DENND1B: variants seen among roughly 807,000 people sequenced by gnomAD.
The protein encoded by DENND1B is DENN domain containing 1B.
Under a neutral mutation model 90.1 loss-of-function variants are expected in DENND1B, and 59 were observed. The observed-to-expected ratio is 0.65, with a 90% CI of 0.53 to 0.81. The LOEUF (loss-of-function observed/expected upper bound fraction) is 0.81. Among genes scored for constraint, DENND1B ranks in the 40% least tolerant of loss-of-function variants. The probability of loss-of-function intolerance (pLI) is 0.00; values close to 1 mark genes in which losing one functional copy is unlikely to be tolerated. For missense variants in DENND1B, 862 were observed against 912.6 expected (o/e 0.94, Z 0.71); for synonymous variants, 337 against 324.6 (o/e 1.04, Z -0.41).
intron 14 of DENND1B, among the ~76,000 whole-genome samples, chr1:197,589,112 T>C (rs1470156850): frequency 6.6e-6 from 1 of 152,136 alleles, no homozygotes; most frequent in Non-Finnish European, 1.5e-5. Context: ...ATTAATAGAT[T>C]GTGCATTAAC....
intron 3 of DENND1B, among the ~76,000 whole-genome samples, chr1:197,701,123 C>T (rs527470274): frequency 1.1e-4 from 16 of 152,242 alleles, no homozygotes; most frequent in South Asian, 2.1e-4. Flanking sequence ...TAAAGACACA[C>T]GTACACATTT....
At chr1:197,540,515 AATAC>A (rs1481265803) in intron 19 of DENND1B, among the ~76,000 whole-genome samples, 4 of 152,146 alleles carry the variant, frequency 2.6e-5, no homozygotes, top group Admixed American at 2.6e-4. Context: ...TCATAACTTA[AATAC>A]ATACATAATA....
chr1:197,740,208 G>A (rs555255191), intron 2 of DENND1B, among the ~76,000 whole-genome samples: 1 of 152,274 alleles, frequency 6.6e-6, no homozygotes, highest in East Asian at 1.9e-4. Context: ...TGTATTAGAA[G>A]TAAACAAAAA....
chr1:197,595,384 C>A, intron 13 of DENND1B, 51 bp from the exon 14 acceptor site: 1 of 1,594,042 alleles, frequency 6.3e-7, no homozygotes, highest in Non-Finnish European at 8.5e-7. Flanking sequence ...ATTGGTACAG[C>A]GAGGTAGGAA....
chr1:197,567,393 A>T (rs902498511), intron 15 of DENND1B, among the ~76,000 whole-genome samples: 2 of 152,040 alleles, frequency 1.3e-5, no homozygotes, highest in African/African-American at 4.8e-5. Flanking sequence ...AGACCTGATG[A>T]CTCCACTGCT....
intron 10 of DENND1B, among the ~76,000 whole-genome samples, chr1:197,642,198 TA>T (rs1391304756): frequency 6.6e-6 from 1 of 152,088 alleles, no homozygotes; most frequent in African/African-American, 2.4e-5. Flanking sequence ...CTGTGATTTA[TA>T]AAAAATGCTA....
At chr1:197,595,472 C>T (rs1416689458) in intron 13 of DENND1B, 139 bp from the exon 14 acceptor site, 1 of 1,049,452 alleles carries the variant, frequency 9.5e-7, no homozygotes, top group East Asian at 2.5e-5. Context: ...ATCTTTTTAA[C>T]TGCAGAGAGC....
chr1:197,698,350 GT>G (rs974023038), intron 3 of DENND1B, among the ~76,000 whole-genome samples: 1 of 152,016 alleles, frequency 6.6e-6, no homozygotes, highest in Non-Finnish European at 1.5e-5. Flanking sequence ...AAATCAAGAA[GT>G]TCTTTGAAAC....
At chr1:197,719,796 T>C (rs1359944621) in intron 2 of DENND1B, among the ~76,000 whole-genome samples, 2 of 152,184 alleles carry the variant, frequency 1.3e-5, no homozygotes, top group African/African-American at 4.8e-5. Context: ...AAGGAAGTCA[T>C]ATTTTCTGAA....
At chr1:197,527,889 C>T (rs904379429) in intron 20 of DENND1B, among the ~76,000 whole-genome samples, 1 of 152,062 alleles carries the variant, frequency 6.6e-6, no homozygotes, top group Non-Finnish European at 1.5e-5. Flanking sequence ...CCATTTCTTT[C>T]CTGACCAGTA....
chr1:197,746,129 T>A (rs1395802588), intron 2 of DENND1B, among the ~76,000 whole-genome samples: 1 of 152,210 alleles, frequency 6.6e-6, no homozygotes, highest in Non-Finnish European at 1.5e-5. Context: ...TGTTTGCTCA[T>A]GCCTGTAATC....
chr1:197,628,029 T>C (rs1321176402), intron 10 of DENND1B, among the ~76,000 whole-genome samples: 2 of 151,948 alleles, frequency 1.3e-5, no homozygotes, highest in Admixed American at 6.6e-5. Flanking sequence ...TAAAAGAGGA[T>C]ACAAACAAAT....
chr1:197,753,729 G>A (rs1248037977), intron 2 of DENND1B, among the ~76,000 whole-genome samples: 4 of 152,088 alleles, frequency 2.6e-5, no homozygotes, highest in Non-Finnish European at 4.4e-5. Flanking sequence ...GGCCACGCGC[G>A]GTGGCTCACG....
At chr1:197,631,167 T>C (rs960912360) in intron 10 of DENND1B, among the ~76,000 whole-genome samples, 1 of 152,170 alleles carries the variant, frequency 6.6e-6, no homozygotes, top group African/African-American at 2.4e-5. Context: ...TCTGTCTATA[T>C]TTTTTCTTCA....
rs192205916 is a variant in DENND1B at position 197,704,345 on chromosome 1, A to G, written c.126+10686T>C. Among the ~76,000 whole-genome samples, 16 of 152,244 alleles carry G rather than the reference A, an allele frequency of 1.1e-4. 1 individual carries two copies. The East Asian group carries it at 3.1e-3, about 29-fold the overall frequency. On this transcript the variant is annotated intron_variant, in intron 3 of 22. Coordinates refer to ENST00000620048, the MANE Select transcript of DENND1B (RefSeq NM_001195215.2). The stretch of plus-strand genomic sequence containing the variant: ...TTTTCCATTCCTAATGTAACTGACT[A>G]TTTCAGATCCTTCTTACTTTTCACT...
chr1:197,570,782 C>A (rs1053449222), intron 15 of DENND1B, among the ~76,000 whole-genome samples: 2 of 151,940 alleles, frequency 1.3e-5, no homozygotes, highest in African/African-American at 4.8e-5. Context: ...TTTGAGTATT[C>A]AAAATCGCTT....
intron 10 of DENND1B, among the ~76,000 whole-genome samples, chr1:197,626,145 T>C (rs911734858): frequency 3.1e-4 from 47 of 151,954 alleles, no homozygotes; most frequent in Admixed American, 9.2e-4. Flanking sequence ...TACCCAGGAA[T>C]TGAACTCAGC....
chr1:197,715,115 A>T (rs529408452), intron 2 of DENND1B, 41 bp from the exon 3 acceptor site: 302 of 1,546,016 alleles, frequency 2.0e-4, no homozygotes, highest in Non-Finnish European at 2.5e-4. Context: ...GCAGCAAAAG[A>T]ACACATTTAA....
chr1:197,526,926 T>C lies in DENND1B; in HGVS notation c.1515+13038A>G, dbSNP rs150353274. On this transcript the variant is annotated intron_variant, in intron 20 of 22. Coordinates refer to ENST00000620048, the MANE Select transcript of DENND1B (RefSeq NM_001195215.2). ...AGGCGCTAAAAATTTTTTGTGTAAC[T>C]ATCTTCTTTTAAGGAAAGTACTACA... is the stretch of plus-strand genomic sequence containing the variant. 6.8e-4 allele frequency among the ~76,000 whole-genome samples: 104 copies of C among 152,324 alleles called. No homozygotes were observed. The East Asian group carries it at 0.02, about 29-fold the overall frequency.
Sources: gnomAD v4.1 joint callset for allele counts (sites outside exome capture counted in the v4.1 genomes callset) on GRCh38, gnomAD v4.1.1 for gene constraint, MANE v1.5 for transcripts, NCBI Gene and HGNC (gene_info 2026-07-23, HGNC 2026-07-21) for gene names.